Variants in WDR37 observed in about 807,000 individuals in gnomAD.
WDR37 encodes the protein WD repeat-containing protein 37.
A neutral mutation model predicts 62.9 loss-of-function variants in WDR37; 19 were observed. The ratio of observed to expected loss-of-function variants is 0.30; its 90% CI spans 0.21 to 0.44. WDR37 has a LOEUF of 0.44. WDR37 is among the 20% of genes least tolerant of loss of function. The pLI is 1.00. For synonymous variants in WDR37, 250 were observed against 260.9 expected, an observed-to-expected ratio of 0.96 and a Z score of 0.40; for missense variants, 474 against 657.6, an observed-to-expected ratio of 0.72 and a Z score of 3.05.
At chr10:1,060,216 ATGTT>A (rs1185826440) in intron 1 of WDR37, among the ~76,000 whole-genome samples, 3 of 152,110 alleles carry the variant, frequency 2.0e-5, no homozygotes, top group African/African-American at 7.2e-5. Context: ...AATTAGTCGA[ATGTT>A]TGGCCAGTGC....
rs2131664785 is a variant in WDR37, at chr10:1,105,954, T to G, written c.1103+687T>G. ...GCACCTGCCACCACGCCTGGCTAGT[T>G]TTTTGTATTTTTAGTAGAGATGGGG... On this transcript the variant is annotated intron_variant, in intron 11 of 13. Transcript: ENST00000263150. This position sits in a 1 kb window ranked among gnomAD's most constrained non-coding sequence, Gnocchi z 5.3. 6.6e-6 allele frequency among the ~76,000 whole-genome samples: 1 copy of G among 152,060 alleles called. No homozygotes were observed. Among genetic ancestry groups the G allele is most frequent in the East Asian group, 1.9e-4 (1 of 5,174 alleles).
At chr10:1,100,069 G>T (rs10794719) in intron 9 of WDR37, among the ~76,000 whole-genome samples, 2 of 152,280 alleles carry the variant, frequency 1.3e-5, no homozygotes, top group African/African-American at 2.4e-5. Flanking sequence ...CTAATTTTGT[G>T]AGAGGGAAGA....
intron 1 of WDR37, among the ~76,000 whole-genome samples, chr10:1,059,617 T>G (rs1030456198): frequency 8.6e-5 from 13 of 151,640 alleles, no homozygotes; most frequent in Non-Finnish European, 1.9e-4. Flanking sequence ...GCCAGGATGG[T>G]GAAACCCCGT....
chr10:1,113,073 C>T (rs1589117542), intron 11 of WDR37, among the ~76,000 whole-genome samples: 1 of 78,978 alleles, frequency 1.3e-5, no homozygotes, highest in South Asian at 4.6e-4. Flanking sequence ...TGCCTGGCTT[C>T]GAAGGACAGA....
At chr10:1,113,189 A>G (rs1325774982) in intron 11 of WDR37, among the ~76,000 whole-genome samples, 1 of 152,110 alleles carries the variant, frequency 6.6e-6, no homozygotes, top group Non-Finnish European at 1.5e-5. Flanking sequence ...TGTGAAACCT[A>G]CTCTGCCTGT....
intron 11 of WDR37, 170 bp from the exon 12 acceptor site, chr10:1,124,048 C>G (rs1237677821): frequency 4.0e-6 from 3 of 740,992 alleles, no homozygotes; most frequent in African/African-American, 1.8e-5. Context: ...TTGTCCTTTT[C>G]TTGCACTGGT....
At position 1,102,755 on chromosome 10, in the gene WDR37, A is replaced by G. The variant is rs185051094; in HGVS notation, c.727-847A>G. On this transcript the variant is annotated intron_variant, in intron 9 of 13. Transcript: ENST00000263150. ...TTCAGCATGAGATTTGGGCTGGGAC[A>G]AATTTCCAAATTATCAGTTCCAGTA... Among the ~76,000 whole-genome samples, 940 of 152,318 alleles carry G rather than the reference A, an allele frequency of 6.2e-3. 12 individuals are homozygous for G. The highest frequency in any genetic ancestry group is 4.4e-3 in the Non-Finnish European group (302 of 68,026).
intron 1 of WDR37, among the ~76,000 whole-genome samples, chr10:1,057,985 C>T (rs1029868152): frequency 8.0e-5 from 12 of 150,820 alleles, no homozygotes; most frequent in Non-Finnish European, 1.6e-4. Context: ...TCCCCCAACC[C>T]CAGCAGACAC....
rs1340707217 is a variant in WDR37 at position 1,105,956 on chromosome 10, T to G, written c.1103+689T>G. Among the ~76,000 whole-genome samples the G allele has an allele frequency of 6.6e-6, 1 of 152,052 alleles. No individual in the cohort carries two copies. The highest frequency in any genetic ancestry group is 1.5e-5 in the Non-Finnish European group (1 of 67,994). ...ACCTGCCACCACGCCTGGCTAGTTT[T>G]TTGTATTTTTAGTAGAGATGGGGTT... On this transcript the variant is annotated intron_variant, in intron 11 of 13. Transcript: ENST00000263150. This position sits in a 1 kb window ranked among gnomAD's most constrained non-coding sequence, Gnocchi z 5.3.
At chr10:1,069,322 A>C (rs1334420094) in intron 1 of WDR37, among the ~76,000 whole-genome samples, 3 of 146,890 alleles carry the variant, frequency 2.0e-5, no homozygotes, top group African/African-American at 7.5e-5. Context: ...AACCCTGTAT[A>C]TTATTGTTCA....
chr10:1,093,882 C>CA (rs1321586301), intron 8 of WDR37, among the ~76,000 whole-genome samples: 51 of 152,316 alleles, frequency 3.3e-4, no homozygotes, highest in African/African-American at 1.2e-3. Context: ...AGCACAGAGA[C>CA]ACAGCAAGTT....
chr10:1,086,262 G>T (rs376972707), intron 6 of WDR37, 24 bp from the exon 7 acceptor site: 29 of 1,607,304 alleles, frequency 1.8e-5, no homozygotes, highest in East Asian at 4.5e-5. Context: ...GCTAAGTTCC[G>T]ACTTCTTCAT....
At chr10:1,111,925 G>A (rs1318073063) in intron 11 of WDR37, among the ~76,000 whole-genome samples, 1 of 150,498 alleles carries the variant, frequency 6.6e-6, no homozygotes, top group East Asian at 1.9e-4. Context: ...TTTGTGAGAC[G>A]GAGTCTCGCT....
intron 1 of WDR37, among the ~76,000 whole-genome samples, chr10:1,070,993 G>A (rs746514581): frequency 6.6e-6 from 1 of 152,256 alleles, no homozygotes; most frequent in South Asian, 2.1e-4. Flanking sequence ...GGGCACACCA[G>A]AAATAAGGTC....
intron 5 of WDR37, among the ~76,000 whole-genome samples, 195 bp from the exon 6 acceptor site, chr10:1,084,206 CTG>C (rs1387495806): frequency 6.6e-6 from 1 of 152,202 alleles, no homozygotes; most frequent in Non-Finnish European, 1.5e-5. Context: ...CACGCATTCT[CTG>C]TGATATGAGC....
intron 7 of WDR37, among the ~76,000 whole-genome samples, chr10:1,090,239 A>C (rs893609391): frequency 6.6e-6 from 1 of 151,926 alleles, no homozygotes; most frequent in Admixed American, 6.6e-5. Context: ...GCTCACTGCA[A>C]CTTCCGCATC....
chr10:1,110,879 C>T (rs1285399695), intron 11 of WDR37, among the ~76,000 whole-genome samples: 1 of 152,260 alleles, frequency 6.6e-6, no homozygotes, highest in Admixed American at 6.5e-5. Flanking sequence ...AATGTTGGCC[C>T]AGGGCCGGGC....
In WDR37 at chr10:1,103,919, C is replaced by T; in HGVS notation, c.961+83C>T. 4 of 1,370,144 alleles carry T rather than the reference C, an allele frequency of 2.9e-6. No homozygotes were observed. The highest frequency in any genetic ancestry group is 1.0e-6 in the Non-Finnish European group (1 of 989,574). 84.9% of individuals were successfully genotyped at this position (1,370,144 alleles called of 1,614,324 possible). On this transcript the variant is annotated intron_variant, in intron 10 of 13. Coordinates refer to ENST00000263150, the MANE Select transcript of WDR37 (RefSeq NM_014023.4). The surrounding 1 kb of genome is among the most constrained non-coding windows in gnomAD (Gnocchi z 6.3). ...GGGTTATGTCTGACCTTGCCACTTA[C>T]TTCTTGACCAGAATGAGTCTCTGTG...
chr10:1,077,220 G>A, intron 2 of WDR37, among the ~76,000 whole-genome samples: 1 of 152,088 alleles, frequency 6.6e-6, no homozygotes, highest in Non-Finnish European at 1.5e-5. Context: ...TTGGTGCTCA[G>A]GACCTGCTTA....
Sources: gnomAD v4.1 joint callset for allele counts (sites outside exome capture counted in the v4.1 genomes callset) on GRCh38, gnomAD v4.1.1 for gene constraint, Gnocchi (gnomAD v3.1) non-coding constraint, MANE v1.5 for transcripts, NCBI Gene and HGNC (gene_info 2026-07-23, HGNC 2026-07-21) for gene names.